The following ARF1 variants were observed in gnomAD, a reference collection of about 807,000 sequenced individuals.
ARF1 encodes the protein ADP-ribosylation factor 1.
ARF1 carries 1 observed loss-of-function variant against 18.0 expected under a neutral mutation model. The ratio of observed to expected loss-of-function variants is 0.06; its 90% confidence interval spans 0.02 to 0.26. ARF1 has a LOEUF of 0.26. Among genes scored for constraint, ARF1 ranks in the 10% least tolerant of loss-of-function variants. The pLI is 1.00. For missense variants in ARF1, 73 were observed against 247.2 expected, an observed-to-expected ratio of 0.30 and a Z score of 4.73; for synonymous variants, 112 against 96.3, an observed-to-expected ratio of 1.16 and a Z score of -0.95.
rs150507258 is a variant in ARF1, at chr1:228,096,930, G to C, written c.-37-148G>C. The C allele has an allele frequency of 1.1e-3, 731 of 661,138 alleles. 6 individuals carry two copies. The African/African-American group carries it at 0.012, about 11-fold the overall frequency. 41.0% of individuals were successfully genotyped at this position (661,138 alleles called of 1,614,324 possible). ...CAGCCCCCATCCTGAGGTGGATTTG[G>C]GGGGCATGGGAGGCAGGGCTCTTTC... On this transcript the variant is annotated intron_variant, in intron 1 of 4. Coordinates refer to ENST00000272102, the MANE Select transcript of ARF1 (RefSeq NM_001658.4).
At chr1:228,084,242 A>T (rs145716642) in intron 1 of ARF1, among the ~76,000 whole-genome samples, 100 of 152,366 alleles carry the variant, frequency 6.6e-4, no homozygotes, top group Non-Finnish European at 1.1e-3. Flanking sequence ...GAAATGCCGT[A>T]CTATTAGCTG....
intron 1 of ARF1, among the ~76,000 whole-genome samples, chr1:228,094,061 G>A (rs1010467661): frequency 9.9e-5 from 15 of 152,234 alleles, no homozygotes; most frequent in Admixed American, 2.6e-4. Flanking sequence ...CATGGTTGGC[G>A]GCACTGCCCC....
At chr1:228,086,865 T>C (rs889579855) in intron 1 of ARF1, among the ~76,000 whole-genome samples, 1 of 152,232 alleles carries the variant, frequency 6.6e-6, no homozygotes, top group African/African-American at 2.4e-5. Context: ...TAAAATAACC[T>C]GGAGTTTGTG....
intron 1 of ARF1, chr1:228,091,110 C>T (rs1411483966): frequency 6.6e-6 from 1 of 152,176 alleles, no homozygotes; most frequent in African/African-American, 2.4e-5. Flanking sequence ...TAGTGGGCAA[C>T]GGTTCTTTGG....
intron 1 of ARF1, among the ~76,000 whole-genome samples, chr1:228,086,431 G>C (rs766600929): frequency 3.3e-5 from 5 of 151,968 alleles, no homozygotes; most frequent in Admixed American, 2.6e-4. Context: ...CAGGAGAATG[G>C]CGTGAACCCG....
intron 1 of ARF1, among the ~76,000 whole-genome samples, chr1:228,086,251 C>CA (rs1435414851): frequency 1.3e-5 from 2 of 152,208 alleles, no homozygotes; most frequent in Non-Finnish European, 2.9e-5. Flanking sequence ...CGTAGTGCCT[C>CA]ACGCCTGTAA....
chr1:228,091,072 G>GT (rs1351989854), intron 1 of ARF1: 3 of 152,228 alleles, frequency 2.0e-5, no homozygotes, highest in African/African-American at 7.2e-5. Context: ...AAATAAGCAG[G>GT]TAATGGTTCT....
Position 228,097,024 on chromosome 1 carries a change from A to G in ARF1, c.-37-54A>G. On this transcript the variant is annotated intron_variant, in intron 1 of 4. Coordinates refer to ENST00000272102, the MANE Select transcript of ARF1 (RefSeq NM_001658.4). This position sits in a 1 kb window ranked among gnomAD's most constrained non-coding sequence, Gnocchi z 8.1. ...TGCATCCCTGGGTGGGTGGGTTCTG[A>G]GCAACCACTGCTGGGCAGCACAGAA... The G allele has an allele frequency of 6.8e-7, 1 of 1,476,928 alleles. No individual in the cohort carries two copies. The highest frequency in any genetic ancestry group is 9.1e-7 in the Non-Finnish European group (1 of 1,101,372). 91.5% of individuals were successfully genotyped at this position (1,476,928 alleles called of 1,614,324 possible).
In ARF1 at chr1:228,082,914, GCAGA is replaced by G. The variant is rs2032258212; in HGVS notation, c.-38+151_-38+154del. On this transcript the variant is annotated intron_variant, in intron 1 of 4. Coordinates refer to ENST00000272102, the MANE Select transcript of ARF1 (RefSeq NM_001658.4). The surrounding 1 kb of genome is among the most constrained non-coding windows in gnomAD (Gnocchi z 6.1). ...CGACAGGGCCGGGCCGGGGGCGGAC[GCAGA>G]CGGGCCGGGCTGAGGCTGGGGCCCG... 6.5e-6 allele frequency: 1 copy of G among 152,714 alleles called. No individual in the cohort carries two copies. The highest frequency in any genetic ancestry group is 2.4e-5 in the African/African-American group (1 of 41,306). 9.5% of individuals were successfully genotyped at this position (152,714 alleles called of 1,614,324 possible).
intron 1 of ARF1, among the ~76,000 whole-genome samples, chr1:228,084,597 A>T (rs1377471443): frequency 6.6e-6 from 1 of 152,156 alleles, no homozygotes; most frequent in Non-Finnish European, 1.5e-5. Context: ...TATGGGCTGT[A>T]CCTCTTGCAC....
rs1376653235 is a variant in ARF1 at position 228,089,236 on chromosome 1, G to A, written c.-38+6471G>A. On this transcript the variant is annotated intron_variant, in intron 1 of 4. Coordinates refer to ENST00000272102, the MANE Select transcript of ARF1 (RefSeq NM_001658.4). This position sits in a 1 kb window ranked among gnomAD's most constrained non-coding sequence, Gnocchi z 4.1. ...CCTGGAGAGCAGGGCAGATGCCAGC[G>A]TGTGTGTGAGAACTAGGTCACTTGA... Among the ~76,000 whole-genome samples the A allele has an allele frequency of 1.3e-5, 2 of 152,160 alleles. No individual in the cohort carries two copies. Among genetic ancestry groups the A allele is most frequent in the Non-Finnish European group, 2.9e-5 (2 of 68,032 alleles).
At position 228,098,134 on chromosome 1, in the gene ARF1, C is replaced by G; in HGVS notation, c.*121C>G. On this transcript the variant is annotated 3_prime_UTR_variant, in exon 5 of 5. Transcript: ENST00000272102. ...TGGTTTGGTCACCGTGTGCATCGCA[C>G]CGTGCTGTAAATGTGGCAGACGCAG... 8.0e-7 allele frequency: 1 copy of G among 1,248,210 alleles called. No individual in the cohort carries two copies. The allele number at this position is 1,248,210 out of a possible 1,614,324, so 77.3% of individuals were successfully genotyped here.
intron 1 of ARF1, chr1:228,088,180 C>T (rs1227792144): frequency 1.3e-5 from 2 of 152,382 alleles, no homozygotes; most frequent in Non-Finnish European, 2.9e-5. Flanking sequence ...CAGGGAGATA[C>T]CAGGACCATC....
intron 1 of ARF1, among the ~76,000 whole-genome samples, chr1:228,095,220 C>T (rs1032760323): frequency 8.6e-6 from 1 of 115,764 alleles, no homozygotes; most frequent in Non-Finnish European, 1.6e-5. Flanking sequence ...TTGCAGATTC[C>T]TTTTATATTT....
At chr1:228,085,084 T>C (rs1159040774) in intron 1 of ARF1, among the ~76,000 whole-genome samples, 1 of 152,204 alleles carries the variant, frequency 6.6e-6, no homozygotes, top group Non-Finnish European at 1.5e-5. Context: ...TCAAAGATAA[T>C]TGGGAGAGAA....
In ARF1 at chr1:228,097,862, A is replaced by G; in HGVS notation, c.395A>G (p.Asn132Ser). Reference protein sequence around the residue: ...LVFANKQDLPNAMNAAEITDK... With the variant: ...LVFANKQDLPSAMNAAEITDK... ...CCTTCCTTCCCCCAGGACCTCCCCA[A>G]CGCCATGAATGCGGCCGAGATCACA... is the stretch of plus-strand genomic sequence containing the variant. Residue 132 changes from asparagine to serine, a missense_variant, in exon 5 of 5, where the codon AAC becomes AGC. Coordinates refer to ENST00000272102, the MANE Select transcript of ARF1 (RefSeq NM_001658.4). This position sits in a 1 kb window ranked among gnomAD's most constrained non-coding sequence, Gnocchi z 8.1. 3 of 1,613,788 alleles carry G rather than the reference A, an allele frequency of 1.9e-6. No homozygotes were observed. The highest frequency in any genetic ancestry group is 2.5e-6 in the Non-Finnish European group (3 of 1,179,836).
chr1:228,091,845 C>T lies in ARF1; in HGVS notation c.-37-5233C>T, dbSNP rs577626893. Among the ~76,000 whole-genome samples the T allele has an allele frequency of 5.3e-5, 8 of 152,276 alleles. No individual in the cohort carries two copies. In the East Asian group the frequency reaches 1.4e-3, roughly 26 times the overall value. On this transcript the variant is annotated intron_variant, in intron 1 of 4. Coordinates refer to ENST00000272102, the MANE Select transcript of ARF1 (RefSeq NM_001658.4). ...TTTGGCTGGTGTGGTAAACAAGCAG[C>T]AGCTTGTGCAGGTGAGAATAAATGG...
intron 1 of ARF1, among the ~76,000 whole-genome samples, chr1:228,096,851 G>A (rs1320801636): frequency 1.3e-5 from 2 of 152,222 alleles, no homozygotes; most frequent in Admixed American, 6.5e-5. Context: ...TGTGGGGACA[G>A]CTTCCCAAGA....
Position 228,098,252 on chromosome 1 carries a change from AT to A in ARF1, c.*241del. ...TATGCAATATTACTCAGCTTTTTTT[AT>A]TGTAAAAAGAAAAATCAACTCACTG... On this transcript the variant is annotated 3_prime_UTR_variant, in exon 5 of 5. Coordinates refer to ENST00000272102, the MANE Select transcript of ARF1 (RefSeq NM_001658.4). The A allele has an allele frequency of 2.4e-6, 1 of 422,326 alleles. No homozygotes were observed. The highest frequency in any genetic ancestry group is 4.1e-6 in the Non-Finnish European group (1 of 243,296). 26.2% of individuals were successfully genotyped at this position (422,326 alleles called of 1,614,324 possible).
Sources: gnomAD v4.1 joint callset for allele counts (sites outside exome capture counted in the v4.1 genomes callset) on GRCh38, gnomAD v4.1.1 for gene constraint, Gnocchi (gnomAD v3.1) non-coding constraint, MANE v1.5 for transcripts, NCBI Gene and HGNC (gene_info 2026-07-23, HGNC 2026-07-21) for gene names.